Variants in DNAH6 observed in about 807,000 individuals in gnomAD.
DNAH6 encodes axonemal beta dynein heavy chain 6.
In DNAH6, 340 loss-of-function variants were observed where a neutral mutation model predicts 491.4. The observed-to-expected ratio is 0.69, with a 90% CI of 0.63 to 0.76. DNAH6 has a LOEUF of 0.76. DNAH6 is among the 30% of genes least tolerant of loss of function. The probability of loss-of-function intolerance (pLI) is 0.00; values close to 1 mark genes in which losing one functional copy is unlikely to be tolerated. For synonymous variants in DNAH6, 1,603 were observed against 1,686.1 expected (o/e 0.95, Z 1.21); for missense variants, 4,443 against 4,972.2 (o/e 0.89, Z 3.20).
intron 13 of DNAH6, among the ~76,000 whole-genome samples, chr2:84,578,702 G>T (rs755264407): frequency 6.6e-6 from 1 of 152,184 alleles, no homozygotes; most frequent in Admixed American, 6.5e-5. Flanking sequence ...TTATCTGATT[G>T]AATCAACTAA....
chr2:84,608,913 C>G (rs1197436333), intron 21 of DNAH6, among the ~76,000 whole-genome samples: 6 of 152,154 alleles, frequency 3.9e-5, no homozygotes, highest in Non-Finnish European at 8.8e-5. Context: ...TTGAGAGTAG[C>G]CACCTTCATC....
At position 84,529,177 on chromosome 2, in the gene DNAH6, T is replaced by C. The variant is rs1391148490; in HGVS notation, c.662+11T>C. On this transcript the variant is annotated intron_variant, in intron 4 of 76. Transcript: ENST00000389394. ...TACATATAATCTAAAGTGAGTTATT[T>C]TTTATGATGCAATTTAACATAAAAA... is the stretch of plus-strand genomic sequence containing the variant. 5 of 1,513,304 alleles carry C rather than the reference T, an allele frequency of 3.3e-6. No homozygotes were observed. Among genetic ancestry groups the C allele is most frequent in the Non-Finnish European group, 4.5e-6 (5 of 1,121,112 alleles). 93.7% of individuals were successfully genotyped at this position (1,513,304 alleles called of 1,614,324 possible).
chr2:84,725,017 C>G (rs1698494732), intron 60 of DNAH6, among the ~76,000 whole-genome samples: 1 of 152,160 alleles, frequency 6.6e-6, no homozygotes, highest in South Asian at 2.1e-4. Context: ...AATGTTACCC[C>G]ACGTTGTCTT....
chr2:84,587,343 T>C (rs1266194916), intron 15 of DNAH6, among the ~76,000 whole-genome samples: 1 of 152,144 alleles, frequency 6.6e-6, no homozygotes, highest in Admixed American at 6.6e-5. Context: ...ATTTTCTTTA[T>C]CCAATCTGAT....
chr2:84,592,927 G>A (rs1281875307), intron 16 of DNAH6, among the ~76,000 whole-genome samples: 2 of 152,094 alleles, frequency 1.3e-5, no homozygotes, highest in African/African-American at 4.8e-5. Flanking sequence ...CAGAGGCTGG[G>A]AGGAAGGGGA....
At chr2:84,638,545 G>A (rs1482267848) in intron 31 of DNAH6, among the ~76,000 whole-genome samples, 1 of 152,102 alleles carries the variant, frequency 6.6e-6, no homozygotes, top group Non-Finnish European at 1.5e-5. Context: ...AGAAAGCACA[G>A]ATCACTCCTT....
chr2:84,667,266 A>G (rs1692229803), intron 37 of DNAH6, among the ~76,000 whole-genome samples: 1 of 152,218 alleles, frequency 6.6e-6, no homozygotes, highest in Non-Finnish European at 1.5e-5. Context: ...ATTAAACTAA[A>G]GAGCTTCTGC....
chr2:84,653,881 G>T lies in DNAH6; in HGVS notation c.5634+7G>T, dbSNP rs1442722838. On this transcript the variant is annotated splice_region_variant and intron_variant, in intron 34 of 76. Coordinates refer to ENST00000389394, the MANE Select transcript of DNAH6 (RefSeq NM_001370.2). ...AATTCACATGCTTTTTGAGGTAAGT[G>T]TACACATTACTGTGGAGTGAAATCA... 6.5e-7 allele frequency: 1 copy of T among 1,538,396 alleles called. No individual in the cohort carries two copies. Among genetic ancestry groups the T allele is most frequent in the Non-Finnish European group, 8.8e-7 (1 of 1,139,676 alleles).
chr2:84,738,789 T>G (rs1391806194), intron 62 of DNAH6, among the ~76,000 whole-genome samples: 2 of 152,184 alleles, frequency 1.3e-5, no homozygotes, highest in Non-Finnish European at 2.9e-5. Context: ...TTCATTCAAT[T>G]TGATACTCTA....
At chr2:84,470,077 A>G in the DNAH6 span, among the ~76,000 whole-genome samples, 1 of 152,154 alleles carries the variant, frequency 6.6e-6, no homozygotes. Flanking sequence ...ACTTACCCAA[A>G]GTCAGCCAGT....
intron 8 of DNAH6, 135 bp downstream of exon 8, chr2:84,548,552 A>G (rs1210554467): frequency 4.2e-6 from 4 of 946,668 alleles, no homozygotes; most frequent in Non-Finnish European, 6.5e-6. Context: ...TCAAAGCATC[A>G]TGTTGTATAC....
chr2:84,617,733 A>G (rs2104381973), intron 23 of DNAH6, among the ~76,000 whole-genome samples: 1 of 152,126 alleles, frequency 6.6e-6, no homozygotes, highest in Middle Eastern at 3.4e-3. Flanking sequence ...TGTGTGTAAA[A>G]AGTTAAGAGA....
At chr2:84,770,634 A>G (rs1675514411) in intron 64 of DNAH6, among the ~76,000 whole-genome samples, 1 of 152,180 alleles carries the variant, frequency 6.6e-6, no homozygotes, top group Non-Finnish European at 1.5e-5. Context: ...AATGTCACGA[A>G]CATGCAGATA....
At chr2:84,631,693 A>G (rs948359635) in intron 29 of DNAH6, among the ~76,000 whole-genome samples, 3 of 152,310 alleles carry the variant, frequency 2.0e-5, no homozygotes, top group Middle Eastern at 3.4e-3. Flanking sequence ...GGCAACCACT[A>G]GAAGCTACCA....
At chr2:84,666,854 C>T (rs1310615977) in intron 37 of DNAH6, among the ~76,000 whole-genome samples, 1 of 152,142 alleles carries the variant, frequency 6.6e-6, no homozygotes, top group Non-Finnish European at 1.5e-5. Flanking sequence ...AACTATACTA[C>T]AAGGCTACAG....
chr2:84,547,365 A>G lies in DNAH6; in HGVS notation c.1028A>G (p.Gln343Arg), dbSNP rs1251171132. 1 of 1,551,810 alleles carries G rather than the reference A, an allele frequency of 6.4e-7. No individual in the cohort carries two copies. The highest frequency in any genetic ancestry group is 8.7e-7 in the Non-Finnish European group (1 of 1,146,964). Residue 343 changes from glutamine (Q) to arginine (R), a missense_variant, in exon 6 of 77, where the codon CAG becomes CGG. Physicochemically the swap from Gln to Arg is conservative, Grantham distance 43. Transcript: ENST00000389394. ...GAAAAGTGTCACACCTACACCCTGC[A>G]GGAATTTAAGGCCGCACAAGTCATA... ...YIEKCHTYTL[Q>R]EFKAAQVIRL...
chr2:84,598,509 G>T (rs1320963078), intron 18 of DNAH6, among the ~76,000 whole-genome samples: 1 of 151,900 alleles, frequency 6.6e-6, no homozygotes, highest in Non-Finnish European at 1.5e-5. Context: ...TATTAACTTG[G>T]GTAAATAACT....
At chr2:84,682,043 A>AC (rs1693830842) in intron 42 of DNAH6, among the ~76,000 whole-genome samples, 1 of 152,050 alleles carries the variant, frequency 6.6e-6, no homozygotes. Context: ...CCCTGATGGT[A>AC]CCCCTCCCAT....
rs191284891 is a variant in DNAH6 at position 84,688,102 on chromosome 2, G to A, written c.7138-337G>A. On this transcript the variant is annotated intron_variant, in intron 44 of 76. Coordinates refer to ENST00000389394, the MANE Select transcript of DNAH6 (RefSeq NM_001370.2). ...ATACAAAAATAAGCTGGGCGTGGTG[G>A]TGGGCGCCTGTAATCCCAGCTACTC... Among the ~76,000 whole-genome samples, 68 of 152,074 alleles carry A rather than the reference G, an allele frequency of 4.5e-4. 1 individual carries two copies. The highest frequency in any genetic ancestry group is 1.5e-3 in the African/African-American group (64 of 41,478).
Sources: allele counts gnomAD v4.1 joint callset (sites outside exome capture counted in the v4.1 genomes callset), GRCh38; gene constraint gnomAD v4.1.1; transcripts MANE v1.5; gene names NCBI Gene and HGNC (gene_info 2026-07-23, HGNC 2026-07-21).